Variants in SLC39A11 observed in about 807,000 individuals in gnomAD.
SLC39A11 encodes the protein zinc transporter ZIP11.
A neutral mutation model predicts 36.1 loss-of-function variants in SLC39A11; 33 were observed. The observed-to-expected ratio is 0.91, with a 90% confidence interval of 0.69 to 1.22. The LOEUF (loss-of-function observed/expected upper bound fraction) is 1.22. Ranked by LOEUF, SLC39A11 falls within the 50% of genes most tolerant of loss-of-function variation. The pLI, the probability that SLC39A11 is intolerant of heterozygous loss-of-function variation, is 0.00. For missense variants in SLC39A11, 432 were observed against 430.3 expected (o/e 1.00, Z -0.03); for synonymous variants, 166 against 170.3 (o/e 0.97, Z 0.20).
chr17:72,677,905 G>A (rs1345508330), intron 7 of SLC39A11, among the ~76,000 whole-genome samples: 2 of 152,142 alleles, frequency 1.3e-5, no homozygotes, highest in African/African-American at 4.8e-5. Flanking sequence ...ACTCAAGGTC[G>A]TCTTGGAAAC....
intron 6 of SLC39A11, among the ~76,000 whole-genome samples, chr17:72,835,046 G>C (rs2078465299): frequency 6.6e-6 from 1 of 152,214 alleles, no homozygotes; most frequent in Non-Finnish European, 1.5e-5. Flanking sequence ...TCTGGGCGTT[G>C]GTGCCAACTC....
intron 4 of SLC39A11, among the ~76,000 whole-genome samples, chr17:73,028,345 C>T (rs926485258): frequency 6.6e-6 from 1 of 152,180 alleles, no homozygotes; most frequent in South Asian, 2.1e-4. Context: ...TCCGACCCCA[C>T]AGAGCATCTT....
chr17:72,814,427 T>C (rs2077522357), intron 6 of SLC39A11, among the ~76,000 whole-genome samples: 1 of 151,608 alleles, frequency 6.6e-6, no homozygotes, highest in African/African-American at 2.4e-5. Context: ...GATGGAGGAG[T>C]TCCTCTATAC....
intron 4 of SLC39A11, among the ~76,000 whole-genome samples, chr17:72,968,635 A>C (rs2087194902): frequency 6.6e-6 from 1 of 152,130 alleles, no homozygotes; most frequent in South Asian, 2.1e-4. Flanking sequence ...TTTGGGCAGA[A>C]TCCTCCCCGA....
At chr17:72,788,632 A>G (rs1287146916) in intron 6 of SLC39A11, among the ~76,000 whole-genome samples, 10 of 152,244 alleles carry the variant, frequency 6.6e-5, no homozygotes, top group African/African-American at 1.4e-4. Flanking sequence ...TAATTTTGGG[A>G]GGCAGGAGGG....
intron 5 of SLC39A11, among the ~76,000 whole-genome samples, chr17:72,897,678 T>C (rs1040808806): frequency 6.6e-5 from 10 of 152,224 alleles, no homozygotes; most frequent in Admixed American, 1.3e-4. Flanking sequence ...GTGAGGGTCC[T>C]GGTTTTTAGC....
intron 7 of SLC39A11, among the ~76,000 whole-genome samples, chr17:72,651,490 C>G (rs542953396): frequency 6.6e-6 from 1 of 152,172 alleles, no homozygotes; most frequent in South Asian, 2.1e-4. Flanking sequence ...CGGAGCAACA[C>G]AGGACAGGAG....
intron 3 of SLC39A11, 125 bp downstream of exon 3, chr17:73,084,683 T>C: frequency 1.2e-6 from 1 of 838,062 alleles, no homozygotes; most frequent in Admixed American, 1.9e-5. Flanking sequence ...GAGGGAGGTG[T>C]TAGTGCCTGA....
At chr17:73,019,348 T>G (rs1220175417) in intron 4 of SLC39A11, among the ~76,000 whole-genome samples, 1 of 152,194 alleles carries the variant, frequency 6.6e-6, no homozygotes, top group Non-Finnish European at 1.5e-5. Flanking sequence ...AACCGATTGT[T>G]AAAGCAAATA....
intron 5 of SLC39A11, among the ~76,000 whole-genome samples, chr17:72,898,120 A>T (rs77604389): frequency 0.013 from 1,961 of 152,318 alleles, 53 homozygotes; most frequent in African/African-American, 0.042. Flanking sequence ...ATAAGGCACC[A>T]AAAAGTGTCT....
chr17:72,672,765 A>AT (rs1314759944), intron 7 of SLC39A11, among the ~76,000 whole-genome samples: 2 of 151,704 alleles, frequency 1.3e-5, no homozygotes, highest in African/African-American at 2.4e-5. Flanking sequence ...TGCTCAGCTA[A>AT]TTTTTTTTAT....
intron 7 of SLC39A11, among the ~76,000 whole-genome samples, chr17:72,662,880 C>T (rs1324344598): frequency 6.6e-6 from 1 of 152,146 alleles, no homozygotes; most frequent in Non-Finnish European, 1.5e-5. Context: ...TTATTCATGG[C>T]AGTGCTATCA....
chr17:72,982,432 A>C (rs1352642481), intron 4 of SLC39A11, among the ~76,000 whole-genome samples: 1 of 152,166 alleles, frequency 6.6e-6, no homozygotes, highest in Non-Finnish European at 1.5e-5. Context: ...AATGGGAAGA[A>C]TCTCCCCCCA....
At chr17:72,745,332 C>A (rs1370781556) in intron 6 of SLC39A11, among the ~76,000 whole-genome samples, 1 of 152,212 alleles carries the variant, frequency 6.6e-6, no homozygotes, top group Non-Finnish European at 1.5e-5. Context: ...TCTCTTCCTG[C>A]CAGACTATGG....
intron 7 of SLC39A11, among the ~76,000 whole-genome samples, chr17:72,701,904 G>T (rs1439457977): frequency 6.6e-6 from 1 of 152,156 alleles, no homozygotes; most frequent in African/African-American, 2.4e-5. Flanking sequence ...AGTTAAGTTT[G>T]AGACCAGCCT....
chr17:72,735,169 G>T (rs575693071), intron 7 of SLC39A11, among the ~76,000 whole-genome samples: 3 of 152,296 alleles, frequency 2.0e-5, no homozygotes, highest in East Asian at 1.9e-4. Context: ...AATAAGAAAA[G>T]TTTCGCCCTG....
chr17:73,030,090 C>T (rs933161754), intron 4 of SLC39A11, among the ~76,000 whole-genome samples: 2 of 152,226 alleles, frequency 1.3e-5, no homozygotes, highest in African/African-American at 4.8e-5. Context: ...GGATCCCTCA[C>T]ATGCGCAGCT....
chr17:72,774,867 G>C (rs972130917), intron 6 of SLC39A11, among the ~76,000 whole-genome samples: 1 of 152,070 alleles, frequency 6.6e-6, no homozygotes, highest in Non-Finnish European at 1.5e-5. Context: ...ATCCCCTTTA[G>C]TCTAGGATGA....
Position 73,089,998 on chromosome 17 carries a change from T to C in SLC39A11, c.-11-1223A>G, listed in dbSNP as rs965988911. Among the ~76,000 whole-genome samples, 8 of 152,324 alleles carry C rather than the reference T, an allele frequency of 5.3e-5. No homozygotes were observed. The East Asian group carries it at 1.5e-3, about 29-fold the overall frequency. On this transcript the variant is annotated intron_variant, in intron 1 of 9. Transcript: ENST00000255559. Reference sequence around the variant, plus strand: ...GTGTTCTGGTACACAAACACTGGGCTCAGGGCCTCATATCAAAGCCTCATT... The same window carrying C: ...GTGTTCTGGTACACAAACACTGGGCCCAGGGCCTCATATCAAAGCCTCATT...
Sources: allele counts gnomAD v4.1 joint callset (sites outside exome capture counted in the v4.1 genomes callset), GRCh38; gene constraint gnomAD v4.1.1; transcripts MANE v1.5; gene names NCBI Gene and HGNC (gene_info 2026-07-23, HGNC 2026-07-21).